FAM98C: variants seen among roughly 807,000 people sequenced by gnomAD.
FAM98C encodes the protein protein FAM98C.
In FAM98C, 38 loss-of-function variants were observed where a neutral mutation model predicts 41.1. That is an observed-to-expected ratio of 0.92 (90% CI 0.71 to 1.21). The LOEUF (loss-of-function observed/expected upper bound fraction) is 1.21, where lower values mean the gene tolerates loss of function less well. FAM98C is among the 50% of genes most tolerant of loss of function. FAM98C has a pLI of 0.00. For synonymous variants in FAM98C, 195 were observed against 216.7 expected, an observed-to-expected ratio of 0.90 and a Z score of 0.88; for missense variants, 493 against 484.7, an observed-to-expected ratio of 1.02 and a Z score of -0.16.
At chr19:38,406,775 C>T in intron 6 of FAM98C, 135 bp from the exon 7 acceptor site, 1 of 939,456 alleles carries the variant, frequency 1.1e-6, no homozygotes, top group South Asian at 1.7e-5. Context: ...ACAGCGAGAC[C>T]CTGTCTCAAA....
rs1312716046 is a variant in FAM98C, at chr19:38,403,402, G to T, written c.130G>T (p.Val44Leu). ...ATGCCCAGACTTCAGGGGGCTGTGC[G>T]TGCGGCTGGCGGCGGAGCTGGCGAC... ...ASCPDFRGLC[V>L]RLAAELATLG... The change falls in exon 2 of 8, where the codon GTG becomes TTG. Residue 44 changes from valine to leucine, a missense_variant. Transcript: ENST00000252530. The T allele has an allele frequency of 6.9e-7, 1 of 1,448,236 alleles. No homozygotes were observed. Among genetic ancestry groups the T allele is most frequent in the Non-Finnish European group, 9.0e-7 (1 of 1,112,604 alleles). The allele number at this position is 1,448,236 out of a possible 1,614,324, so 89.7% of individuals were successfully genotyped here. A position where few individuals can be genotyped will look rare whatever the true frequency, so the allele number is the denominator to read the frequency against.
In FAM98C at chr19:38,405,610, C is replaced by T. The variant is rs1212911032; in HGVS notation, c.725C>T (p.Ala242Val). ...LLKRLDLTTS[A>V]FHWSDRAEAQ... ...AAGCGCCTTGACCTCACTACATCTG[C>T]TTTCCACTGGAGTGACCGGGCAGAG... Residue 242 changes from alanine (A) to valine (V), a missense_variant, in exon 6 of 8, where the codon GCT (alanine) becomes GTT (valine). Transcript: ENST00000252530. 1 of 1,614,196 alleles carries T rather than the reference C, an allele frequency of 6.2e-7. No homozygotes were observed. The highest frequency in any genetic ancestry group is 2.2e-5 in the East Asian group (1 of 44,888).
rs201683996 is a variant in FAM98C at position 38,408,877 on chromosome 19, A to T, written c.1045A>T (p.Lys349Ter). 9.1e-5 allele frequency: 143 copies of T among 1,572,096 alleles called. No individual in the cohort carries two copies. The highest frequency in any genetic ancestry group is 1.1e-4 in the East Asian group (5 of 43,976). The change falls in exon 8 of 8, where the codon AAG (lysine) becomes TAG (stop). Residue 349 changes from lysine to a stop codon, truncating the protein, a stop_gained. Coordinates refer to ENST00000252530, the MANE Select transcript of FAM98C (RefSeq NM_174905.4). LOFTEE classifies it high-confidence loss of function. ...QCWGRKKKKK[K>*] is the part of the protein sequence containing the mutation. ...TTGGGGTCGCAAGAAGAAGAAGAAG[A>T]AGTAAAGGGGGACTGGTGGTCGGGG... is the stretch of plus-strand genomic sequence containing the variant.
chr19:38,407,063 T>A lies in FAM98C; in HGVS notation c.904T>A (p.Cys302Ser), dbSNP rs186152772. 1.6e-5 allele frequency: 26 copies of A among 1,613,790 alleles called. No individual in the cohort carries two copies. The Admixed American group carries it at 4.3e-4, about 27-fold the overall frequency. Reference sequence around the variant, plus strand: ...CGTGGCTGTCCGCAGAGGGACCTGCTGTGCCATCAACAAGGTGGGCATCTG... The same window carrying A: ...CGTGGCTGTCCGCAGAGGGACCTGCAGTGCCATCAACAAGGTGGGCATCTG... The part of the protein sequence containing the change: ...TSVAVRRGTC[C>S]AINKVLMGNV... The change falls in exon 7 of 8, where the codon TGT (cysteine) becomes AGT (serine). Residue 302 changes from cysteine to serine, a missense_variant. Transcript: ENST00000252530.
rs562709827 is a variant in FAM98C, at chr19:38,407,496, G to A, written c.918+419G>A. ...AGCGATTCTCCTGCCTCAGCCTACCGAGTAGCTAGGATTACAGGCACCCAC... is the reference window on the plus strand; with the variant it reads ...AGCGATTCTCCTGCCTCAGCCTACCAAGTAGCTAGGATTACAGGCACCCAC... On this transcript the variant is annotated intron_variant, in intron 7 of 7. Transcript: ENST00000252530. 294 of 173,142 alleles carry A rather than the reference G, an allele frequency of 1.7e-3. 1 individual carries two copies. The highest frequency in any genetic ancestry group is 5.3e-3 in the Admixed American group (96 of 18,028). The allele number at this position is 173,142 out of a possible 1,614,324, so 10.7% of individuals were successfully genotyped here.
In FAM98C at chr19:38,403,701, C is replaced by T. The variant is rs776296797; in HGVS notation, c.349+7C>T. ...GCCGGACTGCGCCTGCTGCGTGAGT[C>T]CCGGGATGCAGAAGTGGCAAGGCCA... On this transcript the variant is annotated splice_region_variant and intron_variant, in intron 3 of 7. Transcript: ENST00000252530. 4.3e-5 allele frequency: 61 copies of T among 1,403,938 alleles called. No individual in the cohort carries two copies. Among genetic ancestry groups the T allele is most frequent in the Non-Finnish European group, 4.8e-5 (52 of 1,088,460 alleles). The allele number at this position is 1,403,938 out of a possible 1,614,324, so 87.0% of individuals were successfully genotyped here.
chr19:38,406,769 C>T (rs557742810), intron 6 of FAM98C, 141 bp from the exon 7 acceptor site: 17 of 885,644 alleles, frequency 1.9e-5, no homozygotes, highest in Non-Finnish European at 2.2e-5. Flanking sequence ...TGGGTGACAG[C>T]GAGACCCTGT....
rs1297701196 is a variant in FAM98C at position 38,408,734 on chromosome 19, A to T, written c.919-17A>T. 6.2e-7 allele frequency: 1 copy of T among 1,613,738 alleles called. No homozygotes were observed. The highest frequency in any genetic ancestry group is 1.1e-5 in the South Asian group (1 of 91,038). ...GATACTTTTTTTCTCTGCAACTCAA[A>T]TCTCATAAACTCTCAGGTGCTTATG... On this transcript the variant is annotated splice_polypyrimidine_tract_variant and intron_variant, in intron 7 of 7. Coordinates refer to ENST00000252530, the MANE Select transcript of FAM98C (RefSeq NM_174905.4).
At position 38,403,337 on chromosome 19, in the gene FAM98C, G is replaced by A; in HGVS notation, c.66-1G>A. The A allele has an allele frequency of 6.7e-7, 1 of 1,482,126 alleles. No homozygotes were observed. Among genetic ancestry groups the A allele is most frequent in the African/African-American group, 1.5e-5 (1 of 67,800 alleles). The allele number at this position is 1,482,126 out of a possible 1,614,324, so 91.8% of individuals were successfully genotyped here. On this transcript the variant is annotated splice_acceptor_variant, in intron 1 of 7. Transcript: ENST00000252530. LOFTEE classifies it high-confidence loss of function. ...CCCTCCCGCTGCCTCGGTCCCCACA[G>A]GTATGGAGGTGTCCCGGGGGCGGCG... is the stretch of plus-strand genomic sequence containing the variant.
chr19:38,407,253 T>C, intron 7 of FAM98C, 176 bp downstream of exon 7: 1 of 649,836 alleles, frequency 1.5e-6, no homozygotes. Flanking sequence ...TCAGAATGCT[T>C]CCGTGGCTCC....
chr19:38,403,215 T>C lies in FAM98C; in HGVS notation c.62T>C (p.Leu21Pro), dbSNP rs1173083786. 3 of 1,558,772 alleles carry C rather than the reference T, an allele frequency of 1.9e-6. No individual in the cohort carries two copies. The African/African-American group carries it at 4.3e-5, about 22-fold the overall frequency. Reference protein sequence around the residue: ...GAAVAQDLLALGYGGVPGAAS... With the variant: ...GAAVAQDLLAPGYGGVPGAAS... ...GCGGTGGCCCAGGACCTGCTGGCTC[T>C]GGGGTAAAAGGGTGTGCGGTGAGGC... The change falls in exon 1 of 8, where the codon CTG becomes CCG. Residue 21 changes from leucine to proline, a missense_variant. Coordinates refer to ENST00000252530, the MANE Select transcript of FAM98C (RefSeq NM_174905.4).
In FAM98C at chr19:38,405,649, G is replaced by A. The variant is rs1429295904; in HGVS notation, c.750+14G>A. 2 of 1,613,454 alleles carry A rather than the reference G, an allele frequency of 1.2e-6. No individual in the cohort carries two copies. Among genetic ancestry groups the A allele is most frequent in the African/African-American group, 2.7e-5 (2 of 74,886 alleles). On this transcript the variant is annotated intron_variant, in intron 6 of 7. Transcript: ENST00000252530. ...GACCGGGCAGAGGTGTGGTGGGCAG[G>A]GGACCATGCAGAATTGGAGAGGCCC...
Position 38,408,905 on chromosome 19 carries a change from G to A in FAM98C, c.*23G>A, listed in dbSNP as rs200397704. ...TAAAGGGGGACTGGTGGTCGGGGGC[G>A]GGGGGTCCTCCATGAGATGCTAATG... On this transcript the variant is annotated 3_prime_UTR_variant, in exon 8 of 8. Coordinates refer to ENST00000252530, the MANE Select transcript of FAM98C (RefSeq NM_174905.4). The A allele has an allele frequency of 8.2e-5, 127 of 1,542,042 alleles. No individual in the cohort carries two copies. The highest frequency in any genetic ancestry group is 1.3e-4 in the Admixed American group (6 of 46,616).
chr19:38,405,257 C>T, intron 4 of FAM98C, 87 bp from the exon 5 acceptor site: 1 of 1,531,572 alleles, frequency 6.5e-7, no homozygotes, highest in Non-Finnish European at 8.9e-7. Flanking sequence ...CATCTGTGGC[C>T]TAGGTCCTCA....
chr19:38,406,840 C>A, intron 6 of FAM98C, 70 bp from the exon 7 acceptor site: 1 of 1,510,850 alleles, frequency 6.6e-7, no homozygotes, highest in Non-Finnish European at 9.2e-7. Context: ...TAAAGTAATG[C>A]TTCCAAGATG....
rs1250472526 is a variant in FAM98C at position 38,405,096 on chromosome 19, C to A, written c.538C>A (p.Gln180Lys). 3 of 1,610,918 alleles carry A rather than the reference C, an allele frequency of 1.9e-6. No homozygotes were observed. Among genetic ancestry groups the A allele is most frequent in the East Asian group, 2.2e-5 (1 of 44,786 alleles). Residue 180 changes from glutamine (Q) to lysine (K), a missense_variant, in exon 4 of 8, where the codon CAG (glutamine) becomes AAG (lysine). Gln to Lys is a moderately conservative substitution (Grantham distance 53). Transcript: ENST00000252530. ...APGTPASQLL[Q>K]ELHAKISELQ... ...AGGGACCCCCGCCAGCCAGCTGCTG[C>A]AGGAGTTGCATGCTAAGGTAGAGAG...
chr19:38,407,182 C>T, intron 7 of FAM98C, 105 bp downstream of exon 7: 1 of 1,350,968 alleles, frequency 7.4e-7, no homozygotes, highest in South Asian at 1.3e-5. Flanking sequence ...CTAATCCACC[C>T]ACTAGACATG....
chr19:38,403,175 G>A lies in FAM98C; in HGVS notation c.22G>A (p.Ala8Thr), dbSNP rs1027753656. MEAVKAE[A>T]WEGAAVAQDL... ...TTTCATGGAGGCGGTGAAGGCGGAA[G>A]CGTGGGAGGGGGCCGCGGTGGCCCA... The change falls in exon 1 of 8, where the codon GCG (alanine) becomes ACG (threonine). Residue 8 changes from alanine (A) to threonine (T), a missense_variant. Transcript: ENST00000252530. 1.0e-5 allele frequency: 16 copies of A among 1,533,612 alleles called. No individual in the cohort carries two copies. Among genetic ancestry groups the A allele is most frequent in the Non-Finnish European group, 1.3e-5 (15 of 1,152,738 alleles).
intron 4 of FAM98C, 45 bp downstream of exon 4, chr19:38,405,158 C>T (rs746306404): frequency 6.4e-7 from 1 of 1,574,526 alleles, no homozygotes; most frequent in East Asian, 2.3e-5. Flanking sequence ...CCCCACTTTC[C>T]TTGTGGGGGT....
Sources: gnomAD v4.1 joint callset for allele counts on GRCh38, gnomAD v4.1.1 for gene constraint, MANE v1.5 for transcripts, NCBI Gene and HGNC (gene_info 2026-07-23, HGNC 2026-07-21) for gene names.